The following KANSL3 variants were observed in gnomAD, a reference collection of about 807,000 sequenced individuals.
KANSL3 encodes the protein KAT8 regulatory NSL complex subunit 3, also known as NSL complex protein NSL3.
KANSL3 carries 16 observed loss-of-function variants against 89.2 expected under a neutral mutation model. The ratio of observed to expected loss-of-function variants is 0.18; its 90% confidence interval spans 0.12 to 0.27. KANSL3 has a LOEUF of 0.27. Ranked by LOEUF, KANSL3 falls within the 10% of genes least tolerant of loss-of-function variation. The pLI is 1.00. For missense variants in KANSL3, 879 were observed against 1,110.6 expected, an observed-to-expected ratio of 0.79 and a Z score of 2.96; for synonymous variants, 385 against 419.7, an observed-to-expected ratio of 0.92 and a Z score of 1.01.
At chr2:96,636,821 A>T in intron 2 of KANSL3, 100 bp downstream of exon 2, 1 of 1,034,598 alleles carries the variant, frequency 9.7e-7, no homozygotes, top group Non-Finnish European at 1.4e-6. Context: ...CAAATGCCTC[A>T]TACAATCTCC....
chr2:96,607,692 C>T (rs1293577321), intron 14 of KANSL3, among the ~76,000 whole-genome samples: 1 of 152,214 alleles, frequency 6.6e-6, no homozygotes, highest in Non-Finnish European at 1.5e-5. Context: ...GTCTGGGTTT[C>T]GGTTCTGATC....
intron 2 of KANSL3, among the ~76,000 whole-genome samples, chr2:96,635,975 C>A (rs544827561): frequency 1.4e-5 from 2 of 148,004 alleles, no homozygotes; most frequent in South Asian, 4.6e-4. Context: ...GCCTGGGCGA[C>A]AGAGCAAGAC....
chr2:96,590,878 C>A (rs1202035985), downstream of KANSL3, among the ~76,000 whole-genome samples: 1 of 152,040 alleles, frequency 6.6e-6, no homozygotes, highest in African/African-American at 2.4e-5. Context: ...CCCAGCTACT[C>A]AGAAGGCTGA....
chr2:96,586,063 A>C, the KANSL3 span, among the ~76,000 whole-genome samples: 1 of 152,042 alleles, frequency 6.6e-6, no homozygotes, highest in East Asian at 1.9e-4. Flanking sequence ...CATATCTACC[A>C]AGAATATAAA....
At position 96,610,758 on chromosome 2, in the gene KANSL3, C is replaced by T. The variant is rs1197232480; in HGVS notation, c.1287G>A (p.Leu429=). ...FREKIRAENS[L]VVVGGADDNL... ...TGTCATCAGCTCCCCCAACCACCAC[C>T]AAGCTGTTCTCAGCTCGAATCTTCT... Residue 429 remains leucine (L), a synonymous_variant, in exon 11 of 21, where the codon TTG becomes TTA. Coordinates refer to ENST00000431828, the MANE Select transcript of KANSL3 (RefSeq NM_001115016.3). 6.2e-7 allele frequency: 1 copy of T among 1,614,012 alleles called. No individual in the cohort carries two copies. The highest frequency in any genetic ancestry group is 1.1e-5 in the South Asian group (1 of 91,082).
chr2:96,591,502 T>C (rs1396800597), downstream of KANSL3, among the ~76,000 whole-genome samples: 1 of 152,238 alleles, frequency 6.6e-6, no homozygotes, highest in East Asian at 1.9e-4. Context: ...AAGTGAGATG[T>C]AAGTACTGGG....
chr2:96,601,436 A>C, intron 20 of KANSL3: 1 of 1,359,770 alleles, frequency 7.4e-7, no homozygotes, highest in Non-Finnish European at 9.5e-7. Context: ...TCTTCACAAT[A>C]TCAAGGGAGG....
intron 3 of KANSL3, among the ~76,000 whole-genome samples, chr2:96,629,096 G>A (rs1417176067): frequency 6.6e-6 from 1 of 152,184 alleles, no homozygotes; most frequent in East Asian, 1.9e-4. Flanking sequence ...GAGTCATTGG[G>A]AGGATTAAGA....
At chr2:96,601,548 C>T in intron 20 of KANSL3, 95 bp downstream of exon 20, 1 of 1,492,440 alleles carries the variant, frequency 6.7e-7, no homozygotes, top group Non-Finnish European at 8.9e-7. Flanking sequence ...TCTCGTCTGT[C>T]CAGTGCATGG....
intron 3 of KANSL3, among the ~76,000 whole-genome samples, chr2:96,623,982 C>A (rs1291017519): frequency 6.6e-6 from 1 of 152,242 alleles, no homozygotes; most frequent in Non-Finnish European, 1.5e-5. Context: ...TAGAAGCAGT[C>A]TGAGGTTTCT....
At chr2:96,581,748 G>A in the KANSL3 span, among the ~76,000 whole-genome samples, 1 of 151,956 alleles carries the variant, frequency 6.6e-6, no homozygotes, top group Non-Finnish European at 1.5e-5. Flanking sequence ...ACTTCTAAAT[G>A]TTTCTTTCAA....
chr2:96,584,073 A>C, the KANSL3 span, among the ~76,000 whole-genome samples: 3 of 152,210 alleles, frequency 2.0e-5, no homozygotes, highest in South Asian at 6.2e-4. Context: ...GATTTGTAGT[A>C]ATTCTTTTAT....
chr2:96,601,859 C>A, intron 19 of KANSL3, 83 bp from the exon 20 acceptor site: 1 of 1,465,564 alleles, frequency 6.8e-7, no homozygotes, highest in Non-Finnish European at 9.0e-7. Flanking sequence ...AGAGCTTCTC[C>A]CCCACATAAC....
chr2:96,586,855 A>C, the KANSL3 span, among the ~76,000 whole-genome samples: 13 of 152,206 alleles, frequency 8.5e-5, no homozygotes, highest in African/African-American at 3.1e-4. Flanking sequence ...CTAATCTTCC[A>C]GTTAATTAAT....
At chr2:96,607,106 G>C in intron 14 of KANSL3, 11 of 1,091,576 alleles carry the variant, frequency 1.0e-5, no homozygotes, top group Non-Finnish European at 1.4e-5. Context: ...GAGAAAAAGA[G>C]AGGGAATAAG....
chr2:96,604,853 C>T lies in KANSL3; in HGVS notation c.1944G>A (p.Gly648=), dbSNP rs1294631657. ...GCCCCAGTGTCATGGTGATGGGCTT[C>T]CCACCTGCAGCTTCAAAACAGAAAA... ...SQGSAPEAAG[G]KPITMTLGQA... is the part of the protein sequence containing the mutation. The change falls in exon 16 of 21, where the codon GGG becomes GGA. Residue 648 remains glycine (G), a synonymous_variant. Coordinates refer to ENST00000431828, the MANE Select transcript of KANSL3 (RefSeq NM_001115016.3). 7 of 1,592,892 alleles carry T rather than the reference C, an allele frequency of 4.4e-6. No individual in the cohort carries two copies. The highest frequency in any genetic ancestry group is 5.1e-6 in the Non-Finnish European group (6 of 1,169,594).
intron 3 of KANSL3, among the ~76,000 whole-genome samples, chr2:96,622,756 C>T (rs2071541749): frequency 6.6e-6 from 1 of 152,174 alleles, no homozygotes; most frequent in Non-Finnish European, 1.5e-5. Flanking sequence ...TTCAGTCACG[C>T]CGCCTTCCCT....
intron 20 of KANSL3, among the ~76,000 whole-genome samples, chr2:96,597,279 C>T (rs954856159): frequency 2.6e-5 from 4 of 152,194 alleles, no homozygotes; most frequent in Non-Finnish European, 4.4e-5. Flanking sequence ...TAGTTTGTTT[C>T]TAAGCATTAA....
intron 20 of KANSL3, chr2:96,599,710 T>C: frequency 1.6e-6 from 1 of 619,262 alleles, no homozygotes; most frequent in Non-Finnish European, 2.0e-6. Context: ...CATCTGAATA[T>C]ACAAAGCCAC....
Sources: gnomAD v4.1 joint callset for allele counts (sites outside exome capture counted in the v4.1 genomes callset) on GRCh38, gnomAD v4.1.1 for gene constraint, MANE v1.5 for transcripts, NCBI Gene and HGNC (gene_info 2026-07-23, HGNC 2026-07-21) for gene names.